MRC2: variants seen among roughly 807,000 people sequenced by gnomAD.
MRC2 encodes the protein C-type mannose receptor 2.
Under a neutral mutation model 206.2 loss-of-function variants are expected in MRC2, and 84 were observed. That is an observed-to-expected ratio of 0.41 (90% CI 0.34 to 0.49). The LOEUF is 0.49. Ranked by LOEUF, MRC2 falls within the 20% of genes least tolerant of loss-of-function variation. The pLI is 0.31. For synonymous variants in MRC2, 798 were observed against 800.0 expected (o/e 1.00, Z 0.04); for missense variants, 1,676 against 2,001.5 (o/e 0.84, Z 3.10).
Position 62,693,375 on chromosome 17 carries a change from G to A in MRC2, c.*924G>A, listed in dbSNP as rs2089134173. Reference sequence around the variant, plus strand: ...AGTGGATCCAGGAGGAGCAGCACCCGAGCCCTGGAGTGGCCCAGTACCCTT... The same window carrying A: ...AGTGGATCCAGGAGGAGCAGCACCCAAGCCCTGGAGTGGCCCAGTACCCTT... On this transcript the variant is annotated 3_prime_UTR_variant, in exon 30 of 30. Transcript: ENST00000303375. 6.6e-6 allele frequency: 1 copy of A among 152,576 alleles called. No individual in the cohort carries two copies. The highest frequency in any genetic ancestry group is 1.5e-5 in the Non-Finnish European group (1 of 68,152). 9.5% of individuals were successfully genotyped at this position (152,576 alleles called of 1,614,324 possible).
At chr17:62,651,708 C>T (rs2088558060) in intron 1 of MRC2, among the ~76,000 whole-genome samples, 1 of 152,120 alleles carries the variant, frequency 6.6e-6, no homozygotes, top group Non-Finnish European at 1.5e-5. Flanking sequence ...CTCAGGCATA[C>T]ACCACCACAT....
chr17:62,680,955 C>G lies in MRC2; in HGVS notation c.2629C>G (p.Gln877Glu). Residue 877 changes from glutamine to glutamate, a missense_variant, in exon 17 of 30, where the codon CAG (glutamine) becomes GAG (glutamate). Transcript: ENST00000303375. The surrounding 1 kb of genome is among the most constrained non-coding windows in gnomAD (Gnocchi z 4.8). Reference sequence around the variant, plus strand: ...GCTAGACTTCCTGAGCCACAACTTGCAGAAGGTGGGCATTGGATTGAGCAG... The same window carrying G: ...GCTAGACTTCCTGAGCCACAACTTGGAGAAGGTGGGCATTGGATTGAGCAG... ...AELDFLSHNLQKFSRAQEQHW... is the reference protein window; with the variant it reads ...AELDFLSHNLEKFSRAQEQHW... 2.5e-6 allele frequency: 4 copies of G among 1,612,854 alleles called. No individual in the cohort carries two copies. The highest frequency in any genetic ancestry group is 3.4e-6 in the Non-Finnish European group (4 of 1,179,748).
At chr17:62,684,802 G>A (rs1475843081) in intron 20 of MRC2, among the ~76,000 whole-genome samples, 1 of 152,188 alleles carries the variant, frequency 6.6e-6, no homozygotes, top group Non-Finnish European at 1.5e-5. Context: ...AAGGCAGCCA[G>A]CCTCTTAGTG....
chr17:62,681,560 C>G, intron 18 of MRC2: 1 of 474,582 alleles, frequency 2.1e-6, no homozygotes, highest in South Asian at 2.6e-5. Flanking sequence ...AGAATTTGAG[C>G]TTGTCTTTTT....
At chr17:62,643,348 GAAAAAGA>G (rs1216228022) in intron 1 of MRC2, among the ~76,000 whole-genome samples, 1 of 132,200 alleles carries the variant, frequency 7.6e-6, no homozygotes, top group Non-Finnish European at 1.6e-5. Context: ...AAAAAAAAAA[GAAAAAGA>G]AAAGAAAAAA....
At position 62,680,083 on chromosome 17, in the gene MRC2, C is replaced by G. The variant is rs986459261; in HGVS notation, c.2299-87C>G. The G allele has an allele frequency of 2.5e-6, 4 of 1,583,780 alleles. No homozygotes were observed. The African/African-American group carries it at 4.0e-5, about 16-fold the overall frequency. On this transcript the variant is annotated intron_variant, in intron 14 of 29. Transcript: ENST00000303375. This position sits in a 1 kb window ranked among gnomAD's most constrained non-coding sequence, Gnocchi z 4.8. The stretch of plus-strand genomic sequence containing the variant: ...CCCCGGTGAGAATTCGCAGCTCAGG[C>G]CAGGCCTCTTGTTCACCTGTTCCGG...
Position 62,681,045 on chromosome 17 carries a change from C to T in MRC2, c.2635-17C>T. 2 of 1,613,186 alleles carry T rather than the reference C, an allele frequency of 1.2e-6. No homozygotes were observed. The highest frequency in any genetic ancestry group is 2.7e-5 in the African/African-American group (2 of 75,070). On this transcript the variant is annotated splice_polypyrimidine_tract_variant and intron_variant, in intron 17 of 29. Transcript: ENST00000303375. ...CAGGGGGCTGCCTACCCACACCTGC[C>T]CGCCTGGCTTCTCCAGTTCTCCCGG...
intron 1 of MRC2, among the ~76,000 whole-genome samples, chr17:62,639,462 C>T (rs1377528556): frequency 6.6e-6 from 1 of 152,154 alleles, no homozygotes; most frequent in African/African-American, 2.4e-5. Context: ...TGTGAAGAAG[C>T]CAATATATCT....
chr17:62,674,092 C>T lies in MRC2; in HGVS notation c.1491C>T (p.Asn497=), dbSNP rs1183778765. Residue 497 remains asparagine, a synonymous_variant, in exon 9 of 30, where the codon AAC becomes AAT. Coordinates refer to ENST00000303375, the MANE Select transcript of MRC2 (RefSeq NM_006039.5). ...GCCGCTGGAACGACAGTCCCTGTAA[C>T]CAGTCCTTGCCATCCATCTGCAAGA... ...PEGRWNDSPC[N]QSLPSICKKA... is the part of the protein sequence containing the mutation. The T allele has an allele frequency of 6.4e-7, 1 of 1,554,882 alleles. No individual in the cohort carries two copies. Among genetic ancestry groups the T allele is most frequent in the East Asian group, 2.4e-5 (1 of 41,314 alleles).
At chr17:62,668,397 AAAAG>A (rs2088784751) in intron 6 of MRC2, among the ~76,000 whole-genome samples, 1 of 151,684 alleles carries the variant, frequency 6.6e-6, no homozygotes, top group Admixed American at 6.6e-5. Context: ...TTTAAAAAAA[AAAAG>A]AAAAAAGAAA....
intron 1 of MRC2, among the ~76,000 whole-genome samples, chr17:62,658,362 G>A (rs2088642275): frequency 6.6e-6 from 1 of 152,218 alleles, no homozygotes; most frequent in Non-Finnish European, 1.5e-5. Flanking sequence ...AAGTTGGGTG[G>A]ATTTGAACCC....
At chr17:62,679,772 C>T (rs763006641) in intron 13 of MRC2, 28 bp from the exon 14 acceptor site, 3 of 1,607,984 alleles carry the variant, frequency 1.9e-6, no homozygotes, top group Non-Finnish European at 2.6e-6. Flanking sequence ...CCCATCTCTT[C>T]CGTCCCCACT....
chr17:62,681,731 AC>A (rs2088968514), intron 18 of MRC2, 105 bp from the exon 19 acceptor site: 1 of 886,652 alleles, frequency 1.1e-6, no homozygotes. Context: ...AAACCCCAGA[AC>A]CTGGGCCCTT....
intron 1 of MRC2, among the ~76,000 whole-genome samples, chr17:62,657,219 A>G (rs1378563361): frequency 6.6e-6 from 1 of 152,244 alleles, no homozygotes; most frequent in African/African-American, 2.4e-5. Context: ...CCATGTCTTC[A>G]TTGTAGAGCC....
intron 13 of MRC2, 116 bp downstream of exon 13, chr17:62,678,762 C>A (rs2088925428): frequency 6.9e-7 from 1 of 1,443,184 alleles, no homozygotes; most frequent in Admixed American, 2.4e-5. Context: ...ATGTGGGTGA[C>A]CCCAGGGAGG....
At chr17:62,674,529 T>C (rs1294149263) in intron 9 of MRC2, among the ~76,000 whole-genome samples, 1 of 151,952 alleles carries the variant, frequency 6.6e-6, no homozygotes, top group Non-Finnish European at 1.5e-5. Flanking sequence ...CGAAGTGAAG[T>C]GTGGCCCCTG....
rs773115927 is a variant in MRC2, at chr17:62,671,775, G to T, written c.1244G>T (p.Gly415Val). 4.3e-6 allele frequency: 7 copies of T among 1,612,672 alleles called. No individual in the cohort carries two copies. In the South Asian group the frequency reaches 7.7e-5, roughly 18 times the overall value. Reference protein sequence around the residue: ...ESKKACLRGGGDLVSIHSMAE... With the variant: ...ESKKACLRGGVDLVSIHSMAE... ...AAGAAGGCATGTCTACGGGGCGGTG[G>T]CGACCTGGTCAGCATCCACAGCATG... The change falls in exon 7 of 30, where the codon GGC (glycine) becomes GTC (valine). Residue 415 changes from glycine (G) to valine (V), a missense_variant. This residue lies in a region of MRC2 where 1,354 missense variants were observed against 1,636.6 expected (regional missense o/e 0.83). Transcript: ENST00000303375. This position sits in a 1 kb window ranked among gnomAD's most constrained non-coding sequence, Gnocchi z 4.5.
chr17:62,688,520 G>A lies in MRC2; in HGVS notation c.3081G>A (p.Leu1027=), dbSNP rs1226301100. Residue 1027 remains leucine (L), a synonymous_variant, in exon 22 of 30, where the codon CTG becomes CTA. Coordinates refer to ENST00000303375, the MANE Select transcript of MRC2 (RefSeq NM_006039.5). The part of the protein sequence containing the change: ...PLEQAFITAS[L]PNVTFDLWIG... Reference sequence around the variant, plus strand: ...CCATAGCATTCATCACAGCCAGCCTGCCCAATGTGACCTTTGACCTTTGGA... The same window carrying A: ...CCATAGCATTCATCACAGCCAGCCTACCCAATGTGACCTTTGACCTTTGGA... 1.2e-6 allele frequency: 2 copies of A among 1,614,232 alleles called. No homozygotes were observed. Among genetic ancestry groups the A allele is most frequent in the East Asian group, 4.5e-5 (2 of 44,866 alleles).
At chr17:62,682,523 C>T (rs901164477) in intron 20 of MRC2, 146 bp downstream of exon 20, 5 of 934,540 alleles carry the variant, frequency 5.4e-6, no homozygotes, top group East Asian at 5.8e-5. Flanking sequence ...CACCTGGCTC[C>T]AGTACCAGGG....
Sources: allele counts gnomAD v4.1 joint callset (sites outside exome capture counted in the v4.1 genomes callset), GRCh38; gene constraint gnomAD v4.1.1; regional missense constraint gnomAD v4.1.1; non-coding constraint Gnocchi (gnomAD v3.1); transcripts MANE v1.5; gene names NCBI Gene and HGNC (gene_info 2026-07-23, HGNC 2026-07-21).